Variants in ZNF91 observed in about 807,000 individuals in gnomAD.
ZNF91 encodes the protein zinc finger protein 91 (HPF7, HTF10).
A neutral mutation model predicts 12.6 loss-of-function variants in ZNF91; 7 were observed. The ratio of observed to expected loss-of-function variants is 0.55; its 90% CI spans 0.31 to 1.04. The LOEUF (loss-of-function observed/expected upper bound fraction) is 1.04, where lower values mean the gene tolerates loss of function less well. ZNF91 is among the 50% of genes least tolerant of loss of function. The pLI, the probability that ZNF91 is intolerant of heterozygous loss-of-function variation, is 0.05. For synonymous variants in ZNF91, 453 were observed against 462.6 expected, an observed-to-expected ratio of 0.98 and a Z score of 0.27; for missense variants, 1,217 against 1,385.4, an observed-to-expected ratio of 0.88 and a Z score of 1.93.
rs1372898025 is a variant in ZNF91, at chr19:23,361,292, T to C, written c.1687A>G (p.Thr563Ala). 1 of 1,613,612 alleles carries C rather than the reference T, an allele frequency of 6.2e-7. No homozygotes were observed. Among genetic ancestry groups the C allele is most frequent in the Non-Finnish European group, 8.5e-7 (1 of 1,179,782 alleles). Reference protein sequence around the residue: ...KAFKQFSTLTTHKIIHAGKKL... With the variant: ...KAFKQFSTLTAHKIIHAGKKL... ...TTTCCAGCATGAATTATTTTATGTG[T>C]AGTAAGGGTTGAGAATTGCTTAAAA... is the stretch of plus-strand genomic sequence containing the variant. The change falls in exon 4 of 4, where the codon ACA becomes GCA. Residue 563 changes from threonine to alanine, a missense_variant. Coordinates refer to ENST00000300619, the MANE Select transcript of ZNF91 (RefSeq NM_003430.4).
In ZNF91 at chr19:23,360,040, G is replaced by A. The variant is rs1968661906; in HGVS notation, c.2939C>T (p.Thr980Ile). 5.0e-6 allele frequency: 8 copies of A among 1,612,762 alleles called. No individual in the cohort carries two copies. The highest frequency in any genetic ancestry group is 6.8e-6 in the Non-Finnish European group (8 of 1,179,920). ...ATGAATTATCTTATGTTCAGTAAGAGTTGAAGATTTCCTAAAAGCTTTGCC... is the reference window on the plus strand; with the variant it reads ...ATGAATTATCTTATGTTCAGTAAGAATTGAAGATTTCCTAAAAGCTTTGCC... ...ECGKAFRKSS[T>I]LTEHKIIHTG... is the part of the protein sequence containing the mutation. The change falls in exon 4 of 4, where the codon ACT becomes ATT. Residue 980 changes from threonine to isoleucine, a missense_variant. Physicochemically the swap from Thr to Ile is moderately conservative, Grantham distance 89 (BLOSUM62 -1). This residue lies in a region of ZNF91 where 491 missense variants were observed against 489.8 expected (regional missense o/e 1.00). Transcript: ENST00000300619.
At position 23,373,346 on chromosome 19, in the gene ZNF91, T is replaced by TCATATATA. The variant is rs1491403502; in HGVS notation, c.253+395_253+396insTATATATG. 1.4e-3 allele frequency among the ~76,000 whole-genome samples: 117 copies of TCATATATA among 85,796 alleles called. 1 individual carries two copies. Among genetic ancestry groups the TCATATATA allele is most frequent in the South Asian group, 2.5e-3 (7 of 2,792 alleles). 56.3% of individuals were successfully genotyped at this position (85,796 alleles called of 152,430 possible). A position where few individuals can be genotyped will look rare whatever the true frequency, so the allele number is the denominator to read the frequency against. On this transcript the variant is annotated intron_variant, in intron 3 of 3. Coordinates refer to ENST00000300619, the MANE Select transcript of ZNF91 (RefSeq NM_003430.4). Reference sequence around the variant, plus strand: ...GTTGCTTTTTGTAGATCATGTAATCTTATATATATATATATATATATATAT... The same window carrying TCATATATA: ...GTTGCTTTTTGTAGATCATGTAATCTCATATATATATATATATATATATATATATATAT...
At chr19:23,356,853 GGAGGCCGAGGT>G (rs1388439616), downstream of ZNF91, among the ~76,000 whole-genome samples, 1 of 152,162 alleles carries the variant, frequency 6.6e-6, no homozygotes, top group Non-Finnish European at 1.5e-5. Context: ...CAGCACTTTG[GGAGGCCGAGGT>G]GAGTGGATCA....
chr19:23,395,462 A>G lies in ZNF91; in HGVS notation c.-108T>C. On this transcript the variant is annotated 5_prime_UTR_variant, in exon 1 of 4. Transcript: ENST00000300619. ...GTCGAGACCTGGAAACTCCGGCGGC[A>G]GCGAGAGACAAAGGCCCAGCCACAT... 1 of 1,385,624 alleles carries G rather than the reference A, an allele frequency of 7.2e-7. No homozygotes were observed. Among genetic ancestry groups the G allele is most frequent in the South Asian group, 1.3e-5 (1 of 79,928 alleles). The allele number at this position is 1,385,624 out of a possible 1,614,324, so 85.8% of individuals were successfully genotyped here. A position where few individuals can be genotyped will look rare whatever the true frequency, so the allele number is the denominator to read the frequency against.
Position 23,395,456 on chromosome 19 carries a change from G to C in ZNF91, c.-102C>G. 1 of 1,440,138 alleles carries C rather than the reference G, an allele frequency of 6.9e-7. No individual in the cohort carries two copies. Among genetic ancestry groups the C allele is most frequent in the Non-Finnish European group, 9.5e-7 (1 of 1,049,120 alleles). The allele number at this position is 1,440,138 out of a possible 1,614,324, so 89.2% of individuals were successfully genotyped here. A position where few individuals can be genotyped will look rare whatever the true frequency, so the allele number is the denominator to read the frequency against. On this transcript the variant is annotated 5_prime_UTR_variant, in exon 1 of 4. Coordinates refer to ENST00000300619, the MANE Select transcript of ZNF91 (RefSeq NM_003430.4). ...AGTGAAGTCGAGACCTGGAAACTCC[G>C]GCGGCAGCGAGAGACAAAGGCCCAG...
chr19:23,344,511 T>C (rs1422390504), intron 3 of ZNF91, among the ~76,000 whole-genome samples: 1 of 152,230 alleles, frequency 6.6e-6, no homozygotes, highest in Non-Finnish European at 1.5e-5. Flanking sequence ...ACTGTCTCTT[T>C]AGCATTCTAG....
At chr19:23,357,158 C>T (rs749056861), downstream of ZNF91, among the ~76,000 whole-genome samples, 5 of 152,126 alleles carry the variant, frequency 3.3e-5, no homozygotes, top group African/African-American at 7.2e-5. Context: ...ACCTGAAAGG[C>T]GGAGGTTGCA....
At chr19:23,347,233 TTTAAA>T (rs1278614767) in intron 3 of ZNF91, among the ~76,000 whole-genome samples, 2 of 152,130 alleles carry the variant, frequency 1.3e-5, no homozygotes, top group African/African-American at 4.8e-5. Context: ...TCAACATATA[TTTAAA>T]TTCTCATTAT....
At chr19:23,364,456 A>G (rs1968922924) in intron 3 of ZNF91, among the ~76,000 whole-genome samples, 1 of 152,204 alleles carries the variant, frequency 6.6e-6, no homozygotes, top group South Asian at 2.1e-4. Flanking sequence ...AAGAAAAAAA[A>G]AATGGTAGTT....
intron 1 of ZNF91, chr19:23,328,970 G>C (rs1967882917): frequency 6.6e-6 from 1 of 152,116 alleles, no homozygotes. Context: ...CATGTTTTTA[G>C]CTATTTCTCC....
chr19:23,353,112 AACAGATAT>A (rs1568377915), downstream of ZNF91, among the ~76,000 whole-genome samples: 1 of 152,232 alleles, frequency 6.6e-6, no homozygotes, highest in African/African-American at 2.4e-5. Flanking sequence ...AAATGGACTT[AACAGATAT>A]TAGAAAACAT....
intron 3 of ZNF91, among the ~76,000 whole-genome samples, chr19:23,344,825 G>A (rs753318873): frequency 2.0e-5 from 3 of 152,202 alleles, no homozygotes; most frequent in Non-Finnish European, 4.4e-5. Context: ...AGCAGCGTGC[G>A]TCAGCAAGAG....
At chr19:23,345,566 C>T (rs573554433) in intron 3 of ZNF91, among the ~76,000 whole-genome samples, 1 of 152,242 alleles carries the variant, frequency 6.6e-6, no homozygotes, top group Admixed American at 6.5e-5. Context: ...AATCCTCCTC[C>T]TCTGTTCTCA....
rs181336283 is a variant in ZNF91 at position 23,394,114 on chromosome 19, G to A, written c.30+1211C>T. 2.0e-5 allele frequency among the ~76,000 whole-genome samples: 3 copies of A among 152,302 alleles called. No individual in the cohort carries two copies. The East Asian group carries it at 5.8e-4, about 29-fold the overall frequency. ...CATTTGGGAATGTCAGACGAAACTG[G>A]AAATTTAGTATTTTACTGCAAGCCA... On this transcript the variant is annotated intron_variant, in intron 1 of 3. Coordinates refer to ENST00000300619, the MANE Select transcript of ZNF91 (RefSeq NM_003430.4).
chr19:23,333,447 C>T (rs1410551426), intron 1 of ZNF91, among the ~76,000 whole-genome samples: 4 of 152,120 alleles, frequency 2.6e-5, no homozygotes, highest in Non-Finnish European at 4.4e-5. Context: ...ACTGTGATAG[C>T]CTCTGGGAGG....
chr19:23,330,804 A>G (rs1348920873), intron 1 of ZNF91, among the ~76,000 whole-genome samples: 1 of 152,222 alleles, frequency 6.6e-6, no homozygotes, highest in Non-Finnish European at 1.5e-5. Flanking sequence ...ATGGTTTTTG[A>G]AAAGTTAAAT....
Position 23,361,214 on chromosome 19 carries a change from G to C in ZNF91, c.1765C>G (p.Leu589Val), listed in dbSNP as rs1417452841. 1 of 1,613,394 alleles carries C rather than the reference G, an allele frequency of 6.2e-7. No individual in the cohort carries two copies. The highest frequency in any genetic ancestry group is 1.3e-5 in the African/African-American group (1 of 74,836). Residue 589 changes from leucine (L) to valine (V), a missense_variant, in exon 4 of 4, where the codon CTT becomes GTT. Leu to Val is a conservative substitution (Grantham distance 32). Coordinates refer to ENST00000300619, the MANE Select transcript of ZNF91 (RefSeq NM_003430.4). ...CGKAFNHSSS[L>V]STHKIIHTGE... ...GTATGAATTATCTTATGTGTAGAAAGACTTGAGGAATGATTAAAAGCTTTG... is the reference window on the plus strand; with the variant it reads ...GTATGAATTATCTTATGTGTAGAAACACTTGAGGAATGATTAAAAGCTTTG...
upstream of ZNF91, among the ~76,000 whole-genome samples, chr19:23,315,517 C>T (rs1395847335): frequency 6.6e-6 from 1 of 151,850 alleles, no homozygotes; most frequent in Non-Finnish European, 1.5e-5. Flanking sequence ...TGGTTATTGT[C>T]CACAAGGGCC....
At chr19:23,374,559 CA>C (rs59471254) in intron 2 of ZNF91, 78 bp downstream of exon 2, 128,281 of 871,246 alleles carry the variant, frequency 0.15, 200 homozygotes, top group East Asian at 0.24. Context: ...GACTCTGTCT[CA>C]AAAAAAAAAA....
Sources: gnomAD v4.1 joint callset for allele counts (sites outside exome capture counted in the v4.1 genomes callset) on GRCh38, gnomAD v4.1.1 for gene constraint, gnomAD v4.1.1 regional missense constraint, MANE v1.5 for transcripts, NCBI Gene and HGNC (gene_info 2026-07-23, HGNC 2026-07-21) for gene names.